The following PRKG1 variants were observed in gnomAD, a reference collection of about 807,000 sequenced individuals.
The protein encoded by PRKG1 is protein kinase cGMP-dependent 1.
A neutral mutation model predicts 88.1 loss-of-function variants in PRKG1; 35 were observed. That is an observed-to-expected ratio of 0.40 (90% confidence interval 0.30 to 0.53). The LOEUF (loss-of-function observed/expected upper bound fraction) is 0.53, where lower values mean the gene tolerates loss of function less well. Among genes scored for constraint, PRKG1 ranks in the 20% least tolerant of loss-of-function variants. The probability of loss-of-function intolerance (pLI) is 0.59; values close to 1 mark genes in which losing one functional copy is unlikely to be tolerated. For missense variants in PRKG1, 540 were observed against 839.8 expected (o/e 0.64, Z 4.41); for synonymous variants, 303 against 292.5 (o/e 1.04, Z -0.37).
chr10:52,255,621 T>C (rs1841289312), intron 10 of PRKG1, among the ~76,000 whole-genome samples: 1 of 151,942 alleles, frequency 6.6e-6, no homozygotes, highest in Admixed American at 6.6e-5. Context: ...ATAAATAGAA[T>C]AGTTCTTAGC....
At chr10:51,109,549 C>A (rs1189209714) in intron 1 of PRKG1, among the ~76,000 whole-genome samples, 2 of 152,092 alleles carry the variant, frequency 1.3e-5, no homozygotes, top group African/African-American at 4.8e-5. Context: ...AAAATATAAA[C>A]CTTACCTCAC....
chr10:51,212,983 A>G (rs535962482), intron 2 of PRKG1, among the ~76,000 whole-genome samples: 2 of 152,342 alleles, frequency 1.3e-5, no homozygotes, highest in East Asian at 1.9e-4. Flanking sequence ...CCAAAGGATT[A>G]TAAATCATGC....
rs541809142 is a variant in PRKG1, at chr10:51,690,443, T to C, written c.593-114142T>C. On this transcript the variant is annotated intron_variant, in intron 3 of 17. Transcript: ENST00000373980. ...AATAACATGATCTGGTTAAGGGCTT[T>C]TGTTTTGTTTTGTTTAAATTACTGT... 6.9e-4 allele frequency among the ~76,000 whole-genome samples: 105 copies of C among 152,142 alleles called. 3 individuals are homozygous for C. The highest frequency in any genetic ancestry group is 4.1e-4 in the South Asian group (2 of 4,820).
intron 4 of PRKG1, among the ~76,000 whole-genome samples, chr10:51,884,858 A>G (rs935023318): frequency 6.6e-6 from 1 of 152,164 alleles, no homozygotes; most frequent in Non-Finnish European, 1.5e-5. Context: ...GGTCACATTC[A>G]AAGGGAGGGG....
chr10:51,807,327 A>G (rs1839332906), intron 4 of PRKG1, among the ~76,000 whole-genome samples: 1 of 152,184 alleles, frequency 6.6e-6, no homozygotes, highest in South Asian at 2.1e-4. Context: ...TGCAGGTCCT[A>G]TTCTTCGGTA....
intron 2 of PRKG1, among the ~76,000 whole-genome samples, chr10:51,448,863 T>TA (rs1350014273): frequency 6.6e-6 from 1 of 152,038 alleles, no homozygotes; most frequent in Non-Finnish European, 1.5e-5. Flanking sequence ...ACCTGCTACT[T>TA]ACATTTATTT....
intron 1 of PRKG1, among the ~76,000 whole-genome samples, chr10:51,135,583 GGTTT>G (rs1157760788): frequency 6.6e-6 from 1 of 152,082 alleles, no homozygotes; most frequent in Non-Finnish European, 1.5e-5. Flanking sequence ...GTTTAGAGAA[GGTTT>G]GTGTACCTTT....
rs150365930 is a variant in PRKG1 at position 51,371,552 on chromosome 10, A to G, written c.479-96171A>G. On this transcript the variant is annotated intron_variant, in intron 2 of 17. Coordinates refer to ENST00000373980, the MANE Select transcript of PRKG1 (RefSeq NM_006258.4). ...GTAGTTATACACCCTGGCACATAATAGTTAAAATGTCCTCCTCTTTCTGAG... is the reference window on the plus strand; with the variant it reads ...GTAGTTATACACCCTGGCACATAATGGTTAAAATGTCCTCCTCTTTCTGAG... Among the ~76,000 whole-genome samples, 17 of 152,300 alleles carry G rather than the reference A, an allele frequency of 1.1e-4. No homozygotes were observed. In the East Asian group the frequency reaches 3.1e-3, roughly 28 times the overall value.
chr10:52,056,921 G>C (rs571925619), intron 6 of PRKG1, among the ~76,000 whole-genome samples: 79 of 152,144 alleles, frequency 5.2e-4, no homozygotes, highest in African/African-American at 1.8e-3. Flanking sequence ...CAATGGCAAA[G>C]AGCAGGAAAG....
intron 3 of PRKG1, among the ~76,000 whole-genome samples, chr10:51,549,324 C>G (rs1270152950): frequency 6.6e-6 from 1 of 151,298 alleles, no homozygotes; most frequent in African/African-American, 2.4e-5. Context: ...CAGGATTTCA[C>G]CATGTTAGCC....
intron 2 of PRKG1, among the ~76,000 whole-genome samples, chr10:51,281,427 T>G (rs1308947657): frequency 6.6e-6 from 1 of 152,200 alleles, no homozygotes; most frequent in African/African-American, 2.4e-5. Flanking sequence ...ATCCTGCACC[T>G]GGCTCAGAGG....
At chr10:51,961,098 T>C (rs1843435934) in intron 5 of PRKG1, among the ~76,000 whole-genome samples, 1 of 152,170 alleles carries the variant, frequency 6.6e-6, no homozygotes, top group South Asian at 2.1e-4. Context: ...TGAATGTAAT[T>C]TTCTCTTTCT....
At chr10:51,777,811 A>G (rs1386215634) in intron 3 of PRKG1, among the ~76,000 whole-genome samples, 3 of 152,044 alleles carry the variant, frequency 2.0e-5, no homozygotes, top group Non-Finnish European at 2.9e-5. Context: ...TACTGTCTCT[A>G]TAGTTTTGCC....
intron 2 of PRKG1, among the ~76,000 whole-genome samples, chr10:51,310,619 T>C (rs1453252966): frequency 6.6e-6 from 1 of 152,212 alleles, no homozygotes; most frequent in Non-Finnish European, 1.5e-5. Flanking sequence ...TTTTATTTTT[T>C]TGCTACTATG....
chr10:52,154,915 A>G (rs977968428), intron 8 of PRKG1, among the ~76,000 whole-genome samples: 1 of 152,080 alleles, frequency 6.6e-6, no homozygotes, highest in Non-Finnish European at 1.5e-5. Context: ...TTCCTGAGTT[A>G]CCTCACTTAG....
chr10:51,324,801 AGACACTT>A (rs1189972421), intron 2 of PRKG1, among the ~76,000 whole-genome samples: 3 of 85,206 alleles, frequency 3.5e-5, no homozygotes, highest in East Asian at 4.6e-4. Flanking sequence ...GTCCACTGAT[AGACACTT>A]ATGTTGCTTC....
chr10:51,913,432 G>T (rs6480585), intron 5 of PRKG1, among the ~76,000 whole-genome samples: 37,516 of 152,074 alleles, frequency 0.25, 4,967 homozygotes, highest in East Asian at 0.48. Flanking sequence ...TGCACTCAAT[G>T]TTTAGCTGTC....
At chr10:51,446,195 T>A (rs1839267639) in intron 2 of PRKG1, among the ~76,000 whole-genome samples, 1 of 151,990 alleles carries the variant, frequency 6.6e-6, no homozygotes, top group African/African-American at 2.4e-5. Context: ...CTATTGAAAG[T>A]CAGTGTAATG....
intron 4 of PRKG1, among the ~76,000 whole-genome samples, chr10:51,889,628 G>A (rs891368207): frequency 9.2e-5 from 14 of 152,178 alleles, no homozygotes; most frequent in Admixed American, 4.6e-4. Flanking sequence ...TTGAGGAATC[G>A]CCACACTCTC....
Sources: allele counts gnomAD v4.1 joint callset (sites outside exome capture counted in the v4.1 genomes callset), GRCh38; gene constraint gnomAD v4.1.1; transcripts MANE v1.5; gene names NCBI Gene and HGNC (gene_info 2026-07-23, HGNC 2026-07-21).